The following PDE1C variants were observed in gnomAD, a reference collection of about 807,000 sequenced individuals.
The protein encoded by PDE1C is dual specificity calcium/calmodulin-dependent 3',5'-cyclic nucleotide phosphodiesterase 1C.
Under a neutral mutation model 93.1 loss-of-function variants are expected in PDE1C, and 62 were observed. The observed-to-expected ratio is 0.67, with a 90% CI of 0.54 to 0.82. The LOEUF is 0.82. PDE1C is among the 40% of genes least tolerant of loss of function. PDE1C has a pLI of 0.00. For missense variants in PDE1C, 742 were observed against 884.6 expected, an observed-to-expected ratio of 0.84 and a Z score of 2.04; for synonymous variants, 325 against 310.1, an observed-to-expected ratio of 1.05 and a Z score of -0.50.
At chr7:31,838,373 G>C (rs920855112) in intron 9 of PDE1C, among the ~76,000 whole-genome samples, 2 of 152,102 alleles carry the variant, frequency 1.3e-5, no homozygotes, top group African/African-American at 4.8e-5. Context: ...AAAATAGCTT[G>C]ATTTTTAATA....
intron 3 of PDE1C, among the ~76,000 whole-genome samples, chr7:32,083,456 G>A (rs554461210): frequency 2.6e-5 from 4 of 152,270 alleles, no homozygotes; most frequent in African/African-American, 7.2e-5. Flanking sequence ...AACTTCCCCA[G>A]TCTAGCAAGG....
intron 3 of PDE1C, among the ~76,000 whole-genome samples, chr7:32,107,310 G>C (rs1015798529): frequency 1.3e-5 from 2 of 148,610 alleles, no homozygotes; most frequent in African/African-American, 2.5e-5. Context: ...GGAAAGGAAG[G>C]AAAGAAGGAA....
rs75553331 is a variant in PDE1C at position 32,065,921 on chromosome 7, C to G, written c.101+4372G>C. Among the ~76,000 whole-genome samples, 642 of 152,300 alleles carry G rather than the reference C, an allele frequency of 4.2e-3. 7 individuals carry two copies. The highest frequency in any genetic ancestry group is 0.015 in the African/African-American group (618 of 41,566). On this transcript the variant is annotated intron_variant, in intron 1 of 17. Coordinates refer to ENST00000396191, the MANE Select transcript of PDE1C (RefSeq NM_001191057.4). The stretch of plus-strand genomic sequence containing the variant: ...TAACTAGCTCATGTAGCTGGGACAG[C>G]TGACAGAACTGGAGACACATCTACA...
At chr7:31,954,716 G>A (rs942031681) in intron 2 of PDE1C, among the ~76,000 whole-genome samples, 5 of 152,120 alleles carry the variant, frequency 3.3e-5, no homozygotes, top group African/African-American at 7.2e-5. Context: ...AAGTGATTGC[G>A]GTTTTTGCCA....
chr7:32,137,349 G>A (rs1282264334), intron 3 of PDE1C, among the ~76,000 whole-genome samples: 1 of 152,180 alleles, frequency 6.6e-6, no homozygotes, highest in Non-Finnish European at 1.5e-5. Context: ...CAAGGGCTGT[G>A]CGACTGCAGC....
At chr7:31,866,048 G>A (rs748933367) in intron 6 of PDE1C, among the ~76,000 whole-genome samples, 33 of 152,030 alleles carry the variant, frequency 2.2e-4, no homozygotes, top group East Asian at 3.9e-4. Context: ...ATGTAACAGC[G>A]AAGAACATTG....
intron 2 of PDE1C, among the ~76,000 whole-genome samples, chr7:32,050,574 G>GTATA (rs10684136): frequency 8.6e-5 from 13 of 150,664 alleles, no homozygotes; most frequent in East Asian, 3.9e-4. Context: ...CTATGTGTAT[G>GTATA]TATATATATA....
chr7:31,652,047 A>G, the PDE1C span: 1 of 1,591,560 alleles, frequency 6.3e-7, no homozygotes, highest in Non-Finnish European at 8.6e-7. Context: ...AAGGGATTTT[A>G]CTGGTATGGG....
At chr7:31,741,193 T>G in the PDE1C span, among the ~76,000 whole-genome samples, 1 of 152,214 alleles carries the variant, frequency 6.6e-6, no homozygotes, top group African/African-American at 2.4e-5. Flanking sequence ...ACCTTTTTTA[T>G]TTCTATTTTT....
rs1446921229 is a variant in PDE1C, at chr7:31,752,687, C to T, written c.*697G>A. 2.6e-5 allele frequency: 4 copies of T among 152,118 alleles called. No homozygotes were observed. Among genetic ancestry groups the T allele is most frequent in the Non-Finnish European group, 5.9e-5 (4 of 68,016 alleles). 9.4% of individuals were successfully genotyped at this position (152,118 alleles called of 1,614,324 possible). A position where few individuals can be genotyped will look rare whatever the true frequency, so the allele number is the denominator to read the frequency against. The stretch of plus-strand genomic sequence containing the variant: ...CAAATGCATCTCTTGCAAACCTTCA[C>T]ATCCTTCAAAGTACATGAGGTTATT... On this transcript the variant is annotated 3_prime_UTR_variant, in exon 18 of 18. Coordinates refer to ENST00000396191, the MANE Select transcript of PDE1C (RefSeq NM_001191057.4).
intron 16 of PDE1C, among the ~76,000 whole-genome samples, chr7:31,779,879 T>C (rs1031187041): frequency 6.6e-6 from 1 of 152,120 alleles, no homozygotes; most frequent in Non-Finnish European, 1.5e-5. Context: ...CCCTTCGCAC[T>C]TCACCCTTCC....
At chr7:31,634,888 T>C in the PDE1C span, among the ~76,000 whole-genome samples, 3 of 152,092 alleles carry the variant, frequency 2.0e-5, no homozygotes, top group Non-Finnish European at 2.9e-5. Flanking sequence ...GCATATTGAG[T>C]GCCTAGGGAA....
chr7:32,012,505 G>C (rs1003528199), intron 2 of PDE1C, among the ~76,000 whole-genome samples: 3 of 152,098 alleles, frequency 2.0e-5, no homozygotes, highest in African/African-American at 7.2e-5. Flanking sequence ...ATTTGGAAGG[G>C]ACAAACATCC....
the PDE1C span, among the ~76,000 whole-genome samples, chr7:31,731,032 AG>A: frequency 6.7e-3 from 1,012 of 152,028 alleles, 10 homozygotes; most frequent in African/African-American, 0.023. Context: ...AATCATGGAG[AG>A]GGGGGCGGGT....
At chr7:32,189,106 T>C (rs1804064812) in intron 2 of PDE1C, among the ~76,000 whole-genome samples, 1 of 152,172 alleles carries the variant, frequency 6.6e-6, no homozygotes, top group African/African-American at 2.4e-5. Context: ...ATTCATCTGG[T>C]GCAGTGGATC....
chr7:32,295,429 C>A (rs1482597516), intron 1 of PDE1C, among the ~76,000 whole-genome samples: 1 of 152,186 alleles, frequency 6.6e-6, no homozygotes, highest in African/African-American at 2.4e-5. Context: ...AGTTTCTTCT[C>A]CTAAAACAGG....
chr7:31,843,303 AC>A (rs1392311132), intron 9 of PDE1C, among the ~76,000 whole-genome samples: 32 of 150,320 alleles, frequency 2.1e-4, no homozygotes, highest in African/African-American at 7.8e-4. Flanking sequence ...GAATCTTAAA[AC>A]CTCCTATGAT....
the PDE1C span, among the ~76,000 whole-genome samples, chr7:31,619,112 T>C: frequency 6.6e-6 from 1 of 152,236 alleles, no homozygotes; most frequent in Non-Finnish European, 1.5e-5. Context: ...AATCTGTGTA[T>C]ATTAGTCACA....
chr7:32,084,161 A>G (rs1446188825), intron 3 of PDE1C, among the ~76,000 whole-genome samples: 1 of 152,042 alleles, frequency 6.6e-6, no homozygotes, highest in African/African-American at 2.4e-5. Context: ...AGGAAGATCT[A>G]CCAAGCAAAT....
Sources: gnomAD v4.1 joint callset for allele counts (sites outside exome capture counted in the v4.1 genomes callset) on GRCh38, gnomAD v4.1.1 for gene constraint, MANE v1.5 for transcripts, NCBI Gene and HGNC (gene_info 2026-07-23, HGNC 2026-07-21) for gene names.